Variants in NUMBL observed in about 807,000 individuals in gnomAD.
NUMBL encodes numb-like protein.
In NUMBL, 20 loss-of-function variants were observed where a neutral mutation model predicts 48.9. The observed-to-expected ratio is 0.41, with a 90% CI of 0.29 to 0.59. The LOEUF (loss-of-function observed/expected upper bound fraction) is 0.59. NUMBL is among the 20% of genes least tolerant of loss of function. NUMBL has a pLI of 0.31. For synonymous variants in NUMBL, 340 were observed against 348.7 expected (o/e 0.98, Z 0.28); for missense variants, 660 against 846.2 (o/e 0.78, Z 2.73).
intron 7 of NUMBL, among the ~76,000 whole-genome samples, chr19:40,675,603 A>G (rs1188441729): frequency 6.6e-6 from 1 of 151,230 alleles, no homozygotes; most frequent in South Asian, 2.1e-4. Context: ...ACACACACAC[A>G]CACACACACA....
chr19:40,690,414 AGCG>A, intron 1 of NUMBL, 43 bp downstream of exon 1: 1 of 1,118,816 alleles, frequency 8.9e-7, no homozygotes, highest in Non-Finnish European at 1.1e-6. Context: ...CCACATCAGC[AGCG>A]GCGCCGCCCC....
intron 2 of NUMBL, 123 bp from the exon 3 acceptor site, chr19:40,684,679 C>T: frequency 3.0e-6 from 4 of 1,352,322 alleles, no homozygotes; most frequent in Admixed American, 2.7e-5. Flanking sequence ...AGCGGGGTTA[C>T]AGGGTCAGTT....
chr19:40,684,382 C>G (rs1398599880), intron 3 of NUMBL, 35 bp downstream of exon 3: 3 of 1,535,084 alleles, frequency 2.0e-6, no homozygotes, highest in Non-Finnish European at 2.6e-6. Context: ...GCCCCCGTCC[C>G]CCTCGCCCCG....
At position 40,677,246 on chromosome 19, in the gene NUMBL, G is replaced by C; in HGVS notation, c.716C>G (p.Pro239Arg). 4 of 1,566,188 alleles carry C rather than the reference G, an allele frequency of 2.6e-6. No homozygotes were observed. The highest frequency in any genetic ancestry group is 3.5e-6 in the Non-Finnish European group (4 of 1,156,470). Residue 239 changes from proline to arginine, a missense_variant, in exon 7 of 10, where the codon CCG (proline) becomes CGG (arginine). Around this residue, in one of 3 missense-constraint regions of NUMBL, gnomAD observed 278 missense variants for 420.6 expected, o/e 0.66. Coordinates refer to ENST00000252891, the MANE Select transcript of NUMBL (RefSeq NM_004756.5). ...GCAACACCCACCTTTCTTCTTGTCC[G>C]GGGCCTCTCGCTCAGCAGGCCGCCC... ...GGGRPAEREA[P>R]DKKKAEAAAA... is the part of the protein sequence containing the mutation.
Position 40,669,994 on chromosome 19 carries a change from C to T in NUMBL, c.1063G>A (p.Gly355Ser), listed in dbSNP as rs138049709. 5.1e-5 allele frequency: 82 copies of T among 1,613,784 alleles called. No individual in the cohort carries two copies. The African/African-American group carries it at 7.1e-4, about 14-fold the overall frequency. ...AGAGCGTTGATGCTGTCACTGTCGCCGGCACCAGGAGGCTCCATCTCAGGC... is the reference window on the plus strand; with the variant it reads ...AGAGCGTTGATGCTGTCACTGTCGCTGGCACCAGGAGGCTCCATCTCAGGC... ...TVPEMEPPGA[G>S]DSDSINALCT... The change falls in exon 9 of 10, where the codon GGC becomes AGC. Residue 355 changes from glycine (G) to serine (S), a missense_variant. By Grantham distance (56) the Gly-to-Ser change is moderately conservative. Coordinates refer to ENST00000252891, the MANE Select transcript of NUMBL (RefSeq NM_004756.5).
Position 40,687,014 on chromosome 19 carries a change from A to G in NUMBL, c.25-19T>C. 2 of 1,444,864 alleles carry G rather than the reference A, an allele frequency of 1.4e-6. No homozygotes were observed. The highest frequency in any genetic ancestry group is 1.5e-5 in the African/African-American group (1 of 68,726). The allele number at this position is 1,444,864 out of a possible 1,614,324, so 89.5% of individuals were successfully genotyped here. A position where few individuals can be genotyped will look rare whatever the true frequency, so the allele number is the denominator to read the frequency against. On this transcript the variant is annotated intron_variant, in intron 1 of 9. Transcript: ENST00000252891. This position sits in a 1 kb window ranked among gnomAD's most constrained non-coding sequence, Gnocchi z 4.6. ...GTCCGCCCTGCCCGAGTAGGGGAGG[A>G]GAAGGTGAGAAGTTTGTCTGGGTTG...
intron 2 of NUMBL, chr19:40,684,981 G>A: frequency 5.3e-6 from 1 of 187,804 alleles, no homozygotes; most frequent in South Asian, 1.0e-4. Context: ...CACGGTCAGG[G>A]GTTTTAGGGG....
At position 40,667,879 on chromosome 19, in the gene NUMBL, T is replaced by C. The variant is rs755519726; in HGVS notation, c.1419A>G (p.Ala473=). ...GCAGGAACACGGCCACTTGGGCAGG[T>C]GCAGCGTCAAAGGGCCCCACGGGGG... ...FPAPVGPFDA[A]PAQVAVFLPP... The change falls in exon 10 of 10, where the codon GCA becomes GCG. Residue 473 remains alanine, a synonymous_variant. Transcript: ENST00000252891. The surrounding 1 kb of genome is among the most constrained non-coding windows in gnomAD (Gnocchi z 6.1). The C allele has an allele frequency of 6.3e-6, 10 of 1,586,262 alleles. No homozygotes were observed. In the South Asian group the frequency reaches 9.2e-5, roughly 15 times the overall value.
Position 40,667,715 on chromosome 19 carries a change from G to A in NUMBL, c.1583C>T (p.Pro528Leu), listed in dbSNP as rs774241843. 6.5e-5 allele frequency: 103 copies of A among 1,575,250 alleles called. No individual in the cohort carries two copies. Among genetic ancestry groups the A allele is most frequent in the Non-Finnish European group, 8.3e-5 (96 of 1,161,052 alleles). Reference sequence around the variant, plus strand: ...TTTCCCAAGCAGAGTGGCAGGCTGAGGCTGGAGCTGGGCGGCTGAGCAGAA... The same window carrying A: ...TTTCCCAAGCAGAGTGGCAGGCTGAAGCTGGAGCTGGGCGGCTGAGCAGAA... ...NAFCSAAQLQPQPATLLGKAG... is the reference protein window; with the variant it reads ...NAFCSAAQLQLQPATLLGKAG... Residue 528 changes from proline to leucine, a missense_variant, in exon 10 of 10, where the codon CCT becomes CTT. Physicochemically the swap from Pro to Leu is moderately conservative, Grantham distance 98. This residue lies in a region of NUMBL where 296 missense variants were observed against 339.7 expected (regional missense o/e 0.87). Coordinates refer to ENST00000252891, the MANE Select transcript of NUMBL (RefSeq NM_004756.5). This position sits in a 1 kb window ranked among gnomAD's most constrained non-coding sequence, Gnocchi z 6.1.
At chr19:40,678,945 G>T (rs898156675) in intron 6 of NUMBL, among the ~76,000 whole-genome samples, 1 of 151,406 alleles carries the variant, frequency 6.6e-6, no homozygotes, top group African/African-American at 2.4e-5. Flanking sequence ...ACAAAAATCT[G>T]CCAGGTGTGG....
intron 6 of NUMBL, 101 bp from the exon 7 acceptor site, chr19:40,677,522 T>G: frequency 5.7e-6 from 6 of 1,056,268 alleles, no homozygotes; most frequent in Non-Finnish European, 8.1e-6. Context: ...TTGCCCCGGA[T>G]GAGTCTCTGC....
In NUMBL at chr19:40,687,243, G is replaced by T. The variant is rs1265804897; in HGVS notation, c.25-248C>A. ...CTCAGGAGAGCCTCACTGCCCAAGGGGATGCTGTGAGAGTGGCCTTGCCCT... is the reference window on the plus strand; with the variant it reads ...CTCAGGAGAGCCTCACTGCCCAAGGTGATGCTGTGAGAGTGGCCTTGCCCT... On this transcript the variant is annotated intron_variant, in intron 1 of 9. Transcript: ENST00000252891. The surrounding 1 kb of genome is among the most constrained non-coding windows in gnomAD (Gnocchi z 4.6). 6.6e-6 allele frequency among the ~76,000 whole-genome samples: 1 copy of T among 152,176 alleles called. No homozygotes were observed. Among genetic ancestry groups the T allele is most frequent in the Non-Finnish European group, 1.5e-5 (1 of 68,018 alleles).
chr19:40,677,752 G>A (rs1051842740), intron 6 of NUMBL, among the ~76,000 whole-genome samples: 3 of 152,166 alleles, frequency 2.0e-5, no homozygotes, highest in Admixed American at 2.0e-4. Flanking sequence ...GGAGGCTGAG[G>A]CGGGAGGTTC....
rs778631086 is a variant in NUMBL, at chr19:40,667,905, C to G, written c.1393G>C (p.Ala465Pro). 1 of 1,574,378 alleles carries G rather than the reference C, an allele frequency of 6.4e-7. No homozygotes were observed. Among genetic ancestry groups the G allele is most frequent in the African/African-American group, 1.3e-5 (1 of 74,152 alleles). ...TMPPALQPFP[A>P]PVGPFDAAPA... ...GCAGCGTCAAAGGGCCCCACGGGGG[C>G]GGGGAAAGGCTGCAGGGCAGGAGGC... The change falls in exon 10 of 10, where the codon GCC becomes CCC. Residue 465 changes from alanine (A) to proline (P), a missense_variant. Ala to Pro is a conservative substitution (Grantham distance 27, BLOSUM62 -1). This residue lies in a region of NUMBL where 296 missense variants were observed against 339.7 expected (regional missense o/e 0.87). Coordinates refer to ENST00000252891, the MANE Select transcript of NUMBL (RefSeq NM_004756.5). This position sits in a 1 kb window ranked among gnomAD's most constrained non-coding sequence, Gnocchi z 6.1.
At chr19:40,680,176 G>C (rs2081897680) in intron 6 of NUMBL, among the ~76,000 whole-genome samples, 1 of 150,862 alleles carries the variant, frequency 6.6e-6, no homozygotes, top group African/African-American at 2.4e-5. Flanking sequence ...CTGTCACCCA[G>C]GCTGGAGTGC....
At position 40,682,836 on chromosome 19, in the gene NUMBL, C is replaced by G. The variant is rs1345094328; in HGVS notation, c.325-34G>C. On this transcript the variant is annotated intron_variant, in intron 4 of 9. Coordinates refer to ENST00000252891, the MANE Select transcript of NUMBL (RefSeq NM_004756.5). The surrounding 1 kb of genome is among the most constrained non-coding windows in gnomAD (Gnocchi z 4.0). ...AGGCAAGGGGACAAAGGAGCCGGGT[C>G]AGGGTGCCTCTCCCTGTCTGACCTT... The G allele has an allele frequency of 1.2e-6, 2 of 1,614,104 alleles. No individual in the cohort carries two copies. Among genetic ancestry groups the G allele is most frequent in the Admixed American group, 3.3e-5 (2 of 60,024 alleles).
At chr19:40,670,239 A>C (rs1197873405) in intron 8 of NUMBL, among the ~76,000 whole-genome samples, 1 of 152,238 alleles carries the variant, frequency 6.6e-6, no homozygotes, top group Non-Finnish European at 1.5e-5. Flanking sequence ...GGCTGACAGT[A>C]ACAGGGACCC....
In NUMBL at chr19:40,670,156, C is replaced by T. The variant is rs114419050; in HGVS notation, c.1037-136G>A. On this transcript the variant is annotated intron_variant, in intron 8 of 9. Coordinates refer to ENST00000252891, the MANE Select transcript of NUMBL (RefSeq NM_004756.5). ...ACTGTAGTAACTAAGTGGCCATGAC[C>T]GCCAAATAACTGTGCATATGTGTGT... The T allele has an allele frequency of 3.5e-4, 361 of 1,026,898 alleles. 2 individuals carry two copies. The African/African-American group carries it at 5.2e-3, about 15-fold the overall frequency. 63.6% of individuals were successfully genotyped at this position (1,026,898 alleles called of 1,614,324 possible).
Position 40,690,530 on chromosome 19 carries a change from C to T in NUMBL, c.-47G>A. 1 of 1,185,796 alleles carries T rather than the reference C, an allele frequency of 8.4e-7. No individual in the cohort carries two copies. Among genetic ancestry groups the T allele is most frequent in the Non-Finnish European group, 1.1e-6 (1 of 944,246 alleles). 73.5% of individuals were successfully genotyped at this position (1,185,796 alleles called of 1,614,324 possible). On this transcript the variant is annotated 5_prime_UTR_variant, in exon 1 of 10. Transcript: ENST00000252891. ...CTCCCGCGGCCCTGGCTGGGCCTGG[C>T]TCCCCGACTGCTGCTGCTGCGGTGG...
Sources: allele counts gnomAD v4.1 joint callset (sites outside exome capture counted in the v4.1 genomes callset), GRCh38; gene constraint gnomAD v4.1.1; regional missense constraint gnomAD v4.1.1; non-coding constraint Gnocchi (gnomAD v3.1); transcripts MANE v1.5; gene names NCBI Gene and HGNC (gene_info 2026-07-23, HGNC 2026-07-21).